The following OXR1 variants were observed in gnomAD, a reference collection of about 807,000 sequenced individuals.
OXR1 encodes oxidation resistance 1, also known as oxidation resistance protein 1.
OXR1 carries 41 observed loss-of-function variants against 104.6 expected under a neutral mutation model. That is an observed-to-expected ratio of 0.39 (90% CI 0.31 to 0.51). The LOEUF (loss-of-function observed/expected upper bound fraction) is 0.51, where lower values mean the gene tolerates loss of function less well. OXR1 is among the 20% of genes least tolerant of loss of function. The pLI is 0.77. For missense variants in OXR1, 955 were observed against 1,031.9 expected, an observed-to-expected ratio of 0.93 and a Z score of 1.02; for synonymous variants, 348 against 348.4, an observed-to-expected ratio of 1.00 and a Z score of 0.01.
chr8:106,535,556 C>G (rs1470165285), intron 3 of OXR1, among the ~76,000 whole-genome samples: 1 of 152,156 alleles, frequency 6.6e-6, no homozygotes, highest in Non-Finnish European at 1.5e-5. Flanking sequence ...CTGTTTCTCT[C>G]CTGAGCTATC....
intron 3 of OXR1, among the ~76,000 whole-genome samples, chr8:106,646,331 T>A (rs1335162557): frequency 6.6e-6 from 1 of 152,070 alleles, no homozygotes; most frequent in Non-Finnish European, 1.5e-5. Flanking sequence ...GGTCTCAAAC[T>A]CCTGACCTCA....
chr8:106,593,431 A>G (rs1329360247), intron 3 of OXR1, among the ~76,000 whole-genome samples: 1 of 152,236 alleles, frequency 6.6e-6, no homozygotes, highest in Admixed American at 6.5e-5. Flanking sequence ...CATCACATCT[A>G]GCAATAGAAG....
chr8:106,608,074 G>C (rs916209753), intron 3 of OXR1, among the ~76,000 whole-genome samples: 1 of 152,166 alleles, frequency 6.6e-6, no homozygotes, highest in Non-Finnish European at 1.5e-5. Context: ...TTGAGGCTAG[G>C]AATTTGAGGC....
intron 1 of OXR1, among the ~76,000 whole-genome samples, chr8:106,305,074 A>G (rs1055661928): frequency 4.6e-5 from 7 of 152,102 alleles, no homozygotes; most frequent in African/African-American, 1.4e-4. Flanking sequence ...AGATTTTGTG[A>G]TTTTGCTTTC....
At chr8:106,434,819 T>C (rs1037700133) in intron 2 of OXR1, among the ~76,000 whole-genome samples, 1 of 152,204 alleles carries the variant, frequency 6.6e-6, no homozygotes, top group African/African-American at 2.4e-5. Context: ...AGGAATCAGA[T>C]GCTATTCCTG....
At chr8:106,523,900 G>C (rs78522605) in intron 3 of OXR1, among the ~76,000 whole-genome samples, 1 of 151,494 alleles carries the variant, frequency 6.6e-6, no homozygotes, top group Non-Finnish European at 1.5e-5. Context: ...TCAGCCTCCC[G>C]AGTAGCTGGG....
chr8:106,474,578 A>T (rs1166269422), intron 2 of OXR1, among the ~76,000 whole-genome samples: 1 of 151,910 alleles, frequency 6.6e-6, no homozygotes, highest in Non-Finnish European at 1.5e-5. Flanking sequence ...TGAAAACTAC[A>T]TAAAATTTAA....
intron 2 of OXR1, among the ~76,000 whole-genome samples, chr8:106,361,609 T>G (rs1184481257): frequency 6.6e-6 from 1 of 152,216 alleles, no homozygotes; most frequent in Non-Finnish European, 1.5e-5. Context: ...ACCTTCTATT[T>G]TTTTTATAAT....
chr8:106,518,093 A>G lies in OXR1; in HGVS notation c.24-850A>G, dbSNP rs188343343. Among the ~76,000 whole-genome samples the G allele has an allele frequency of 2.6e-5, 4 of 152,316 alleles. No individual in the cohort carries two copies. The East Asian group carries it at 7.7e-4, about 29-fold the overall frequency. On this transcript the variant is annotated intron_variant, in intron 2 of 16. Coordinates refer to ENST00000517566, the MANE Select transcript of OXR1 (RefSeq NM_001198533.2). ...AAAAGGGAAGCCAACGTACTAGAAA[A>G]GCCTAAATCATATTTGAAGGTATGA...
chr8:106,347,388 C>G (rs1223280570), intron 1 of OXR1, among the ~76,000 whole-genome samples: 1 of 152,102 alleles, frequency 6.6e-6, no homozygotes, highest in East Asian at 1.9e-4. Context: ...AAGGTCTTAC[C>G]CTCTTAGAAG....
intron 3 of OXR1, among the ~76,000 whole-genome samples, chr8:106,640,627 TCTTTA>T (rs1490976904): frequency 6.6e-6 from 1 of 152,148 alleles, no homozygotes; most frequent in Admixed American, 6.5e-5. Context: ...TAACATGTAA[TCTTTA>T]CTTTGGGAAG....
At chr8:106,577,083 TA>T (rs1472209797) in intron 3 of OXR1, among the ~76,000 whole-genome samples, 1 of 152,214 alleles carries the variant, frequency 6.6e-6, no homozygotes, top group Non-Finnish European at 1.5e-5. Context: ...GCAGACTTTC[TA>T]AACTAACATG....
chr8:106,339,492 CAAAAAAAAA>C (rs562959605), intron 1 of OXR1, among the ~76,000 whole-genome samples: 12 of 7,568 alleles, frequency 1.6e-3, no homozygotes, highest in South Asian at 7.4e-3. Flanking sequence ...AGACTCCATC[CAAAAAAAAA>C]AAAAAAAAAA....
chr8:106,663,637 C>T (rs889869256), intron 3 of OXR1, among the ~76,000 whole-genome samples: 18 of 152,270 alleles, frequency 1.2e-4, no homozygotes, highest in African/African-American at 3.8e-4. Flanking sequence ...GGATGCACAG[C>T]GGGAGGTAAG....
intron 2 of OXR1, among the ~76,000 whole-genome samples, chr8:106,400,720 A>G (rs925491853): frequency 6.6e-6 from 1 of 152,170 alleles, no homozygotes; most frequent in African/African-American, 2.4e-5. Context: ...AAATGTCTGT[A>G]TTAAGTATCT....
chr8:106,685,798 A>G (rs1361882233), intron 6 of OXR1, among the ~76,000 whole-genome samples: 2 of 152,190 alleles, frequency 1.3e-5, no homozygotes, highest in Non-Finnish European at 2.9e-5. Flanking sequence ...GAGGAAAAGA[A>G]GTCATTATAT....
At chr8:106,730,252 T>C (rs923755833) in intron 11 of OXR1, among the ~76,000 whole-genome samples, 1 of 152,000 alleles carries the variant, frequency 6.6e-6, no homozygotes, top group Non-Finnish European at 1.5e-5. Context: ...TCATGCAGAG[T>C]CTATAGTTTA....
chr8:106,430,257 A>G (rs565590242), intron 2 of OXR1, among the ~76,000 whole-genome samples: 1 of 152,318 alleles, frequency 6.6e-6, no homozygotes, highest in Non-Finnish European at 1.5e-5. Flanking sequence ...GAAATGATGG[A>G]ATGGAATTAG....
intron 2 of OXR1, among the ~76,000 whole-genome samples, chr8:106,391,720 C>A (rs986857631): frequency 6.6e-6 from 1 of 151,922 alleles, no homozygotes; most frequent in Non-Finnish European, 1.5e-5. Context: ...GATTTAAAAT[C>A]TCTTTTTGTT....
Sources: gnomAD v4.1 joint callset for allele counts (sites outside exome capture counted in the v4.1 genomes callset) on GRCh38, gnomAD v4.1.1 for gene constraint, MANE v1.5 for transcripts, NCBI Gene and HGNC (gene_info 2026-07-23, HGNC 2026-07-21) for gene names.